GADD45GIP1: variants seen among roughly 807,000 people sequenced by gnomAD.
The protein encoded by GADD45GIP1 is large ribosomal subunit protein mL64.
GADD45GIP1 carries 17 observed loss-of-function variants against 22.1 expected under a neutral mutation model. The observed-to-expected ratio is 0.77, with a 90% confidence interval of 0.53 to 1.15. GADD45GIP1 has a LOEUF of 1.15. GADD45GIP1 is among the 50% of genes most tolerant of loss of function. GADD45GIP1 has a pLI of 0.00. For synonymous variants in GADD45GIP1, 135 were observed against 138.4 expected (o/e 0.98, Z 0.17); for missense variants, 294 against 314.0 (o/e 0.94, Z 0.48).
Position 12,956,891 on chromosome 19 carries a change from G to C in GADD45GIP1, c.322C>G (p.Leu108Val). ...TMQESLRVKQ[L>V]AEEQKRRERE... Reference sequence around the variant, plus strand: ...TCCCGACGCTTCTGCTCTTCGGCCAGCTGCTTCACCCGCAGCGACTCCTGC... The same window carrying C: ...TCCCGACGCTTCTGCTCTTCGGCCACCTGCTTCACCCGCAGCGACTCCTGC... The change falls in exon 1 of 2, where the codon CTG becomes GTG. Residue 108 changes from leucine (L) to valine (V), a missense_variant. Physicochemically the swap from Leu to Val is conservative, Grantham distance 32. Transcript: ENST00000316939. 6.3e-7 allele frequency: 1 copy of C among 1,598,868 alleles called. No homozygotes were observed. The highest frequency in any genetic ancestry group is 8.5e-7 in the Non-Finnish European group (1 of 1,179,458).
chr19:12,954,853 T>C (rs746159206), intron 1 of GADD45GIP1, among the ~76,000 whole-genome samples: 2 of 152,214 alleles, frequency 1.3e-5, no homozygotes, highest in Non-Finnish European at 2.9e-5. Context: ...TAGACATTGC[T>C]GAGCACTTCC....
At chr19:12,954,859 C>T (rs1057117510) in intron 1 of GADD45GIP1, among the ~76,000 whole-genome samples, 1 of 152,228 alleles carries the variant, frequency 6.6e-6, no homozygotes, top group Admixed American at 6.5e-5. Flanking sequence ...TTGCTGAGCA[C>T]TTCCTGTACA....
In GADD45GIP1 at chr19:12,954,120, G is replaced by C. The variant is rs532059748; in HGVS notation, c.*88C>G. 7.3e-5 allele frequency: 84 copies of C among 1,158,212 alleles called. No individual in the cohort carries two copies. The African/African-American group carries it at 1.2e-3, about 16-fold the overall frequency. 71.7% of individuals were successfully genotyped at this position (1,158,212 alleles called of 1,614,324 possible). A position where few individuals can be genotyped will look rare whatever the true frequency, so the allele number is the denominator to read the frequency against. On this transcript the variant is annotated 3_prime_UTR_variant, in exon 2 of 2. Transcript: ENST00000316939. ...CTCTTAAGTATTGGGGGAGGAACCA[G>C]GGGACCCAGAGAGGCACACCTTGAG...
rs1413153878 is a variant in GADD45GIP1 at position 12,957,043 on chromosome 19, GCGTAGCGCGGT to G, written c.159_169del (p.Pro54GlyfsTer2). On this transcript the variant is annotated frameshift_variant, in exon 1 of 2. Transcript: ENST00000316939. LOFTEE classifies it high-confidence loss of function. The stretch of plus-strand genomic sequence containing the variant: ...GCCGTAACGCGCGAACTGCTTAGCC[GCGTAGCGCGGT>G]CCCAGCTGCCACCGCGGGGTCAGGA... 1.3e-6 allele frequency: 2 copies of G among 1,585,990 alleles called. No homozygotes were observed. The highest frequency in any genetic ancestry group is 3.4e-5 in the Admixed American group (2 of 58,320).
In GADD45GIP1 at chr19:12,957,219, T is replaced by C; in HGVS notation, c.-7A>G. ...GTCGCACGGACGCCGCCATCTTGGC[T>C]GTGCGGGGTCCTCACAGGCCCGCCG... On this transcript the variant is annotated 5_prime_UTR_variant, in exon 1 of 2. Coordinates refer to ENST00000316939, the MANE Select transcript of GADD45GIP1 (RefSeq NM_052850.4). 7.2e-7 allele frequency: 1 copy of C among 1,387,412 alleles called. No homozygotes were observed. 85.9% of individuals were successfully genotyped at this position (1,387,412 alleles called of 1,614,324 possible).
At position 12,953,406 on chromosome 19, in the gene GADD45GIP1, C is replaced by A. The variant is rs41558417; in HGVS notation, c.*802G>T. On this transcript the variant is annotated 3_prime_UTR_variant, in exon 2 of 2. Coordinates refer to ENST00000316939, the MANE Select transcript of GADD45GIP1 (RefSeq NM_052850.4). Reference sequence around the variant, plus strand: ...TCCGAAAAACCCCTGAGGACCCCCCCCCATCCTCTTCTAGGATGAGGGGAA... The same window carrying A: ...TCCGAAAAACCCCTGAGGACCCCCCACCATCCTCTTCTAGGATGAGGGGAA... 128 of 166,456 alleles carry A rather than the reference C, an allele frequency of 7.7e-4. No individual in the cohort carries two copies. The highest frequency in any genetic ancestry group is 1.4e-3 in the Non-Finnish European group (110 of 77,928). 10.3% of individuals were successfully genotyped at this position (166,456 alleles called of 1,614,324 possible). A position where few individuals can be genotyped will look rare whatever the true frequency, so the allele number is the denominator to read the frequency against.
chr19:12,955,218 A>G (rs1971909127), intron 1 of GADD45GIP1, among the ~76,000 whole-genome samples: 2 of 152,134 alleles, frequency 1.3e-5, no homozygotes, highest in African/African-American at 4.8e-5. Context: ...TTCCTGTGTT[A>G]GTTTGCTAGG....
Position 12,957,090 on chromosome 19 carries a change from G to A in GADD45GIP1, c.123C>T (p.Asp41=), listed in dbSNP as rs552412466. 3.0e-5 allele frequency: 45 copies of A among 1,517,846 alleles called. No individual in the cohort carries two copies. Among genetic ancestry groups the A allele is most frequent in the Non-Finnish European group, 3.9e-5 (45 of 1,142,928 alleles). The allele number at this position is 1,517,846 out of a possible 1,614,324, so 94.0% of individuals were successfully genotyped here. A position where few individuals can be genotyped will look rare whatever the true frequency, so the allele number is the denominator to read the frequency against. The change falls in exon 1 of 2, where the codon GAC becomes GAT. Residue 41 remains aspartate (D), a synonymous_variant. Coordinates refer to ENST00000316939, the MANE Select transcript of GADD45GIP1 (RefSeq NM_052850.4). ...PRRRPGPRWP[D]PEDLLTPRWQ... ...ACCGCGGGGTCAGGAGGTCCTCGGG[G>A]TCTGGCCACCGGGGTCCCGGCCTGC...
chr19:12,955,410 T>C (rs1274035365), intron 1 of GADD45GIP1, among the ~76,000 whole-genome samples: 1 of 152,194 alleles, frequency 6.6e-6, no homozygotes, highest in Non-Finnish European at 1.5e-5. Context: ...ATCAGACGCA[T>C]GACTTCACTT....
rs548294453 is a variant in GADD45GIP1, at chr19:12,953,240, A to G, written c.*968T>C. On this transcript the variant is annotated 3_prime_UTR_variant, in exon 2 of 2. Coordinates refer to ENST00000316939, the MANE Select transcript of GADD45GIP1 (RefSeq NM_052850.4). ...CCCCTGTTCCCATCTCCCGGGCCAG[A>G]CAGCTGTCCCCCCGTCCTCCTCCCC... The G allele has an allele frequency of 6.8e-6, 3 of 441,926 alleles. No individual in the cohort carries two copies. Among genetic ancestry groups the G allele is most frequent in the Non-Finnish European group, 1.2e-5 (3 of 256,970 alleles). 27.4% of individuals were successfully genotyped at this position (441,926 alleles called of 1,614,324 possible). A position where few individuals can be genotyped will look rare whatever the true frequency, so the allele number is the denominator to read the frequency against.
At position 12,956,983 on chromosome 19, in the gene GADD45GIP1, G is replaced by C. The variant is rs888105931; in HGVS notation, c.230C>G (p.Pro77Arg). 1 of 1,599,102 alleles carries C rather than the reference G, an allele frequency of 6.3e-7. No homozygotes were observed. Among genetic ancestry groups the C allele is most frequent in the Non-Finnish European group, 8.5e-7 (1 of 1,179,670 alleles). ...ASGVVPGSLW[P>R]SPEQLRELEA... ...CAGCTCCCGCAGCTGCTCCGGCGACGGCCATAACGAACCGGGGACCACCCC... is the reference window on the plus strand; with the variant it reads ...CAGCTCCCGCAGCTGCTCCGGCGACCGCCATAACGAACCGGGGACCACCCC... Residue 77 changes from proline (P) to arginine (R), a missense_variant, in exon 1 of 2, where the codon CCG (proline) becomes CGG (arginine). Physicochemically the swap from Pro to Arg is moderately radical, Grantham distance 103. Transcript: ENST00000316939.
Position 12,954,044 on chromosome 19 carries a change from G to A in GADD45GIP1, c.*164C>T, listed in dbSNP as rs1291803982. 4.6e-6 allele frequency: 3 copies of A among 659,026 alleles called. No homozygotes were observed. The East Asian group carries it at 7.8e-5, about 17-fold the overall frequency. 40.8% of individuals were successfully genotyped at this position (659,026 alleles called of 1,614,324 possible). Reference sequence around the variant, plus strand: ...ACTGAAGCCCCAGTTAGTCAGCAGGGCCTAGAGTCCCTGTCCCCTTTTGAG... The same window carrying A: ...ACTGAAGCCCCAGTTAGTCAGCAGGACCTAGAGTCCCTGTCCCCTTTTGAG... On this transcript the variant is annotated 3_prime_UTR_variant, in exon 2 of 2. Transcript: ENST00000316939.
chr19:12,953,935 T>C lies in GADD45GIP1; in HGVS notation c.*273A>G. The C allele has an allele frequency of 2.5e-6, 1 of 399,506 alleles. No homozygotes were observed. Among genetic ancestry groups the C allele is most frequent in the Non-Finnish European group, 4.5e-6 (1 of 221,310 alleles). 24.7% of individuals were successfully genotyped at this position (399,506 alleles called of 1,614,324 possible). A position where few individuals can be genotyped will look rare whatever the true frequency, so the allele number is the denominator to read the frequency against. ...CTTGTAATTGGCTAATTACTGGAGA[T>C]GAATGTTGGTAAACAGAAGCCTTCT... On this transcript the variant is annotated 3_prime_UTR_variant, in exon 2 of 2. Transcript: ENST00000316939.
In GADD45GIP1 at chr19:12,957,001, A is replaced by ACCACCCCGGAGGCGGCGC; in HGVS notation, c.194_211dup (p.Gly65_Val70dup). 1 of 1,598,700 alleles carries ACCACCCCGGAGGCGGCGC rather than the reference A, an allele frequency of 6.3e-7. No individual in the cohort carries two copies. On this transcript the variant is annotated inframe_insertion, in exon 1 of 2. Coordinates refer to ENST00000316939, the MANE Select transcript of GADD45GIP1 (RefSeq NM_052850.4). Reference sequence around the variant, plus strand: ...CGGCGACGGCCATAACGAACCGGGGACCACCCCGGAGGCGGCGCCGTAACG... The same window carrying ACCACCCCGGAGGCGGCGC: ...CGGCGACGGCCATAACGAACCGGGGACCACCCCGGAGGCGGCGCCCACCCCGGAGGCGGCGCCGTAACG...
rs1971891539 is a variant in GADD45GIP1 at position 12,954,164 on chromosome 19, G to C, written c.*44C>G. On this transcript the variant is annotated 3_prime_UTR_variant, in exon 2 of 2. Transcript: ENST00000316939. ...CCTTGAGAGGACGCAGATCTCTTCAGGGGTACTGCCAGGTAGCAGGCTTTA... is the reference window on the plus strand; with the variant it reads ...CCTTGAGAGGACGCAGATCTCTTCACGGGTACTGCCAGGTAGCAGGCTTTA... 1 of 1,528,696 alleles carries C rather than the reference G, an allele frequency of 6.5e-7. No homozygotes were observed. The highest frequency in any genetic ancestry group is 9.0e-7 in the Non-Finnish European group (1 of 1,114,396). The allele number at this position is 1,528,696 out of a possible 1,614,324, so 94.7% of individuals were successfully genotyped here.
At position 12,953,831 on chromosome 19, in the gene GADD45GIP1, A is replaced by T. The variant is rs1971884928; in HGVS notation, c.*377T>A. On this transcript the variant is annotated 3_prime_UTR_variant, in exon 2 of 2. Coordinates refer to ENST00000316939, the MANE Select transcript of GADD45GIP1 (RefSeq NM_052850.4). ...TTTCCAGGCAGTGGACCCCAGCCCA[A>T]CGTTACAAGGACTGCTTCTCCCCGG... The T allele has an allele frequency of 5.4e-6, 1 of 185,508 alleles. No individual in the cohort carries two copies. The highest frequency in any genetic ancestry group is 5.8e-5 in the Admixed American group (1 of 17,304). The allele number at this position is 185,508 out of a possible 1,614,324, so 11.5% of individuals were successfully genotyped here.
In GADD45GIP1 at chr19:12,953,958, T is replaced by C. The variant is rs947405827; in HGVS notation, c.*250A>G. On this transcript the variant is annotated 3_prime_UTR_variant, in exon 2 of 2. Transcript: ENST00000316939. The stretch of plus-strand genomic sequence containing the variant: ...GATGAATGTTGGTAAACAGAAGCCT[T>C]CTTCTCTTCTGCCATCTGCTTCTCC... The C allele has an allele frequency of 1.6e-5, 8 of 489,638 alleles. No homozygotes were observed. Among genetic ancestry groups the C allele is most frequent in the South Asian group, 3.3e-5 (1 of 30,454 alleles). 30.3% of individuals were successfully genotyped at this position (489,638 alleles called of 1,614,324 possible).
intron 1 of GADD45GIP1, among the ~76,000 whole-genome samples, chr19:12,956,146 C>T (rs1163329826): frequency 1.3e-5 from 2 of 152,222 alleles, no homozygotes; most frequent in Non-Finnish European, 2.9e-5. Context: ...GCTTCCCAAA[C>T]CAAAGCTGCC....
chr19:12,955,918 A>C (rs1045669064), intron 1 of GADD45GIP1, among the ~76,000 whole-genome samples: 3 of 152,060 alleles, frequency 2.0e-5, no homozygotes, highest in Admixed American at 6.6e-5. Context: ...TCTGTATCTG[A>C]CCTCTGCCCT....
Sources: allele counts gnomAD v4.1 joint callset (sites outside exome capture counted in the v4.1 genomes callset), GRCh38; gene constraint gnomAD v4.1.1; transcripts MANE v1.5; gene names NCBI Gene and HGNC (gene_info 2026-07-23, HGNC 2026-07-21).